The following NRG1 variants were observed in gnomAD, a reference collection of about 807,000 sequenced individuals.
NRG1 encodes the protein pro-neuregulin-1, membrane-bound isoform.
A neutral mutation model predicts 63.8 loss-of-function variants in NRG1; 18 were observed. That is an observed-to-expected ratio of 0.28 (90% CI 0.19 to 0.42). The LOEUF is 0.42. NRG1 is among the 10% of genes least tolerant of loss of function. The pLI is 1.00. For synonymous variants in NRG1, 302 were observed against 301.3 expected (o/e 1.00, Z -0.02); for missense variants, 762 against 814.7 (o/e 0.94, Z 0.79).
At chr8:32,077,913 C>T (rs1167184131) in intron 1 of NRG1, among the ~76,000 whole-genome samples, 3 of 152,162 alleles carry the variant, frequency 2.0e-5, no homozygotes, top group African/African-American at 7.2e-5. Flanking sequence ...TTCCCTTGGG[C>T]TCTCCATCAG....
intron 1 of NRG1, among the ~76,000 whole-genome samples, chr8:32,371,227 A>C (rs542365131): frequency 1.7e-3 from 263 of 152,248 alleles, no homozygotes; most frequent in Non-Finnish European, 3.0e-3. Flanking sequence ...AAAACAGAAC[A>C]AAAAAAGAAA....
chr8:32,506,449 A>C (rs540783505), intron 1 of NRG1, among the ~76,000 whole-genome samples: 1 of 152,230 alleles, frequency 6.6e-6, no homozygotes, highest in African/African-American at 2.4e-5. Flanking sequence ...AGGCTTATAC[A>C]CCTGTGCCAA....
intron 2 of NRG1, 26 bp downstream of exon 2, chr8:32,596,031 A>G: frequency 6.4e-7 from 1 of 1,558,596 alleles, no homozygotes; most frequent in Non-Finnish European, 8.7e-7. Context: ...AAAATAGTAG[A>G]GACTGCCCCC....
At chr8:32,256,641 G>C (rs780342592) in intron 1 of NRG1, 1 of 153,082 alleles carries the variant, frequency 6.5e-6, no homozygotes, top group Admixed American at 6.5e-5. Context: ...ATTGTTGCCT[G>C]TTCCTTCCTC....
chr8:31,903,535 T>C (rs1008645647), intron 1 of NRG1, among the ~76,000 whole-genome samples: 1 of 152,154 alleles, frequency 6.6e-6, no homozygotes, highest in Non-Finnish European at 1.5e-5. Context: ...TCTCAGTTCC[T>C]GACCCACAGA....
At chr8:31,791,663 G>T (rs1438482830) in intron 1 of NRG1, among the ~76,000 whole-genome samples, 5 of 152,078 alleles carry the variant, frequency 3.3e-5, no homozygotes, top group Non-Finnish European at 7.4e-5. Context: ...TTCTTGAGCT[G>T]TTTTTCATTT....
intron 1 of NRG1, among the ~76,000 whole-genome samples, chr8:32,416,497 C>T (rs1034142975): frequency 2.0e-5 from 3 of 152,038 alleles, no homozygotes; most frequent in Admixed American, 1.3e-4. Context: ...TCTAAAGCAG[C>T]GATTCTCGAA....
chr8:31,703,988 C>G (rs774374589), intron 1 of NRG1, among the ~76,000 whole-genome samples: 2 of 152,246 alleles, frequency 1.3e-5, no homozygotes, highest in African/African-American at 2.4e-5. Flanking sequence ...ATTCTAGGGT[C>G]TCAGTTTACT....
chr8:32,055,621 C>T (rs1271164948), intron 1 of NRG1, among the ~76,000 whole-genome samples: 2 of 151,776 alleles, frequency 1.3e-5, no homozygotes, highest in African/African-American at 2.4e-5. Flanking sequence ...CTCTTCTCTC[C>T]CTCCTCCCTT....
At chr8:31,886,756 T>C (rs1417888366) in intron 1 of NRG1, among the ~76,000 whole-genome samples, 3 of 152,076 alleles carry the variant, frequency 2.0e-5, no homozygotes, top group South Asian at 2.1e-4. Context: ...TTCGAATGCA[T>C]GCTCTAGATC....
intron 1 of NRG1, among the ~76,000 whole-genome samples, chr8:31,881,542 C>T (rs1300264614): frequency 1.3e-5 from 2 of 152,154 alleles, no homozygotes; most frequent in Non-Finnish European, 2.9e-5. Context: ...AGTCACACAT[C>T]TTTCACTTTA....
chr8:32,194,738 G>T (rs1009201170), intron 1 of NRG1, among the ~76,000 whole-genome samples: 1 of 152,044 alleles, frequency 6.6e-6, no homozygotes, highest in Non-Finnish European at 1.5e-5. Context: ...GAAACCATTG[G>T]TCCAAAGCAA....
intron 5 of NRG1, among the ~76,000 whole-genome samples, chr8:32,701,722 A>G (rs145427123): frequency 0.013 from 1,976 of 152,332 alleles, 15 homozygotes; most frequent in Non-Finnish European, 0.021. Flanking sequence ...TAGATCAATT[A>G]TCACTTTCTA....
At chr8:31,991,867 GC>G (rs1811156184) in intron 1 of NRG1, among the ~76,000 whole-genome samples, 1 of 151,476 alleles carries the variant, frequency 6.6e-6, no homozygotes. Flanking sequence ...CTATGCTTCT[GC>G]CCTGATCTAA....
At position 31,921,900 on chromosome 8, in the gene NRG1, C is replaced by G. The variant is rs149720341; in HGVS notation, c.37+282469C>G. On this transcript the variant is annotated intron_variant, in intron 1 of 10. Transcript: ENST00000519301. ...ATATGCATGTCCCCTCTATATGAGA[C>G]TTTGTTAATTTTCTTAATTTAAAAA... Among the ~76,000 whole-genome samples, 562 of 152,120 alleles carry G rather than the reference C, an allele frequency of 3.7e-3. 3 individuals are homozygous for G. In the Middle Eastern group the frequency reaches 0.037, roughly 10 times the overall value.
At chr8:32,326,386 A>T (rs1802030660) in intron 1 of NRG1, among the ~76,000 whole-genome samples, 1 of 146,284 alleles carries the variant, frequency 6.8e-6, no homozygotes, top group South Asian at 2.1e-4. Context: ...ATCAAAGCTC[A>T]CTGCATCTTC....
chr8:32,458,572 A>G (rs1409123620), intron 1 of NRG1, among the ~76,000 whole-genome samples: 1 of 152,106 alleles, frequency 6.6e-6, no homozygotes, highest in Non-Finnish European at 1.5e-5. Context: ...TTTATTTCCT[A>G]TAGGTTTTGC....
rs559121926 is a variant in NRG1, at chr8:31,893,086, C to T, written c.37+253655C>T. Among the ~76,000 whole-genome samples, 24 of 151,180 alleles carry T rather than the reference C, an allele frequency of 1.6e-4. 1 individual carries two copies. Among genetic ancestry groups the T allele is most frequent in the Admixed American group, 5.9e-4 (9 of 15,162 alleles). On this transcript the variant is annotated intron_variant, in intron 1 of 10. Transcript: ENST00000519301. Reference sequence around the variant, plus strand: ...AAAAGCCCAGAAAGAGCCTCTTCTACGTATGAGAGTGTATGTATGATATAC... The same window carrying T: ...AAAAGCCCAGAAAGAGCCTCTTCTATGTATGAGAGTGTATGTATGATATAC...
exon 1 of NRG1, chr8:32,548,682 C>A (rs1292884599): frequency 1.3e-6 from 2 of 1,548,862 alleles, no homozygotes; most frequent in Non-Finnish European, 1.7e-6. Context: ...ACCAAACTCG[C>A]CTGCGCCGAG....
Sources: allele counts gnomAD v4.1 joint callset (sites outside exome capture counted in the v4.1 genomes callset), GRCh38; gene constraint gnomAD v4.1.1; transcripts MANE v1.5; gene names NCBI Gene and HGNC (gene_info 2026-07-23, HGNC 2026-07-21).